FRS3: variants seen among roughly 807,000 people sequenced by gnomAD.
FRS3 encodes the protein FGFR substrate 3.
Under a neutral mutation model 41.9 loss-of-function variants are expected in FRS3, and 17 were observed. The ratio of observed to expected loss-of-function variants is 0.41; its 90% confidence interval spans 0.28 to 0.61. The LOEUF (loss-of-function observed/expected upper bound fraction) is 0.61. Among genes scored for constraint, FRS3 ranks in the 20% least tolerant of loss-of-function variants. The pLI, the probability that FRS3 is intolerant of heterozygous loss-of-function variation, is 0.36. For synonymous variants in FRS3, 287 were observed against 274.5 expected (o/e 1.05, Z -0.45); for missense variants, 619 against 672.1 (o/e 0.92, Z 0.87).
At chr6:41,776,626 A>T (rs1772417102) in intron 3 of FRS3, 2 of 336,690 alleles carry the variant, frequency 5.9e-6, no homozygotes, top group East Asian at 1.0e-4. Context: ...GTTTTCTCTA[A>T]AAAAAAAAGG....
chr6:41,774,436 A>G (rs1173622417), intron 4 of FRS3, among the ~76,000 whole-genome samples: 1 of 152,160 alleles, frequency 6.6e-6, no homozygotes, highest in Admixed American at 6.5e-5. Flanking sequence ...TGCCTACTGT[A>G]TATAGGTCCC....
At position 41,771,286 on chromosome 6, in the gene FRS3, T is replaced by C; in HGVS notation, c.812A>G (p.Asn271Ser). Residue 271 changes from asparagine to serine, a missense_variant, in exon 7 of 7, where the codon AAT becomes AGT. By Grantham distance (46) the Asn-to-Ser change is conservative. Coordinates refer to ENST00000373018, the MANE Select transcript of FRS3 (RefSeq NM_006653.5). The part of the protein sequence containing the change: ...PSLHDPPHHN[N>S]NNEAPSECPA... Reference sequence around the variant, plus strand: ...ACACTCAGAAGGGGCCTCATTGTTATTATTGTGGTGTGGGGGGTCATGCAG... The same window carrying C: ...ACACTCAGAAGGGGCCTCATTGTTACTATTGTGGTGTGGGGGGTCATGCAG... 1 of 1,612,952 alleles carries C rather than the reference T, an allele frequency of 6.2e-7. No individual in the cohort carries two copies. Among genetic ancestry groups the C allele is most frequent in the Non-Finnish European group, 8.5e-7 (1 of 1,179,336 alleles).
intron 5 of FRS3, among the ~76,000 whole-genome samples, 163 bp downstream of exon 5, chr6:41,772,635 C>T (rs144134156): frequency 4.1e-4 from 62 of 152,274 alleles, no homozygotes; most frequent in African/African-American, 1.4e-3. Context: ...CAGGACTTAC[C>T]GATCCTCAAG....
intron 3 of FRS3, chr6:41,776,697 C>A: frequency 2.0e-6 from 1 of 493,466 alleles, no homozygotes; most frequent in East Asian, 3.1e-5. Flanking sequence ...ACCATTATGG[C>A]ATTTCTTCAT....
At chr6:41,772,669 G>T in intron 5 of FRS3, 129 bp downstream of exon 5, 1 of 1,028,826 alleles carries the variant, frequency 9.7e-7, no homozygotes, top group Non-Finnish European at 1.4e-6. Context: ...ATGGACAACT[G>T]TCCTGGAAGG....
chr6:41,775,234 T>C (rs2127300308), intron 4 of FRS3, among the ~76,000 whole-genome samples, 185 bp downstream of exon 4: 1 of 152,340 alleles, frequency 6.6e-6, no homozygotes, highest in Non-Finnish European at 1.5e-5. Context: ...TGTGGCTGGC[T>C]CTAGCCTTGA....
intron 4 of FRS3, 48 bp downstream of exon 4, chr6:41,775,371 G>A (rs775137374): frequency 1.2e-5 from 18 of 1,468,866 alleles, no homozygotes; most frequent in Middle Eastern, 3.8e-4. Flanking sequence ...GAACCCTGGA[G>A]TACTGCATAA....
chr6:41,778,340 A>G (rs1772453501), intron 1 of FRS3, among the ~76,000 whole-genome samples, 164 bp from the exon 2 acceptor site: 1 of 152,348 alleles, frequency 6.6e-6, no homozygotes, highest in South Asian at 2.1e-4. Context: ...AGGGAGCACA[A>G]ATCCCAAGCC....
chr6:41,771,915 G>A lies in FRS3; in HGVS notation c.465C>T (p.Gly155=). 2 of 1,558,870 alleles carry A rather than the reference G, an allele frequency of 1.3e-6. No individual in the cohort carries two copies. The highest frequency in any genetic ancestry group is 1.7e-6 in the Non-Finnish European group (2 of 1,151,180). Residue 155 remains glycine, a synonymous_variant, in exon 6 of 7, where the codon GGC becomes GGT. Coordinates refer to ENST00000373018, the MANE Select transcript of FRS3 (RefSeq NM_006653.5). ...GCCGCCGGGGAGCTGAGAATCGTGG[G>A]CCCTCTCCAGGGCAGCCATTGGAAA... The part of the protein sequence containing the change: ...SSFSNGCPGE[G]PRFSAPRRLS...
rs1000991174 is a variant in FRS3 at position 41,776,723 on chromosome 6, G to C, written c.66+199C>G. 9 of 552,058 alleles carry C rather than the reference G, an allele frequency of 1.6e-5. No homozygotes were observed. In the African/African-American group the frequency reaches 1.7e-4, roughly 10 times the overall value. 34.2% of individuals were successfully genotyped at this position (552,058 alleles called of 1,614,324 possible). On this transcript the variant is annotated intron_variant, in intron 3 of 6. Coordinates refer to ENST00000373018, the MANE Select transcript of FRS3 (RefSeq NM_006653.5). ...ATTTCTTCATTCTTGGTAGTATCAA[G>C]AGCCATGAAAACAGCAGTGGTCTGG...
At chr6:41,775,047 T>C (rs1377683448) in intron 4 of FRS3, among the ~76,000 whole-genome samples, 1 of 152,170 alleles carries the variant, frequency 6.6e-6, no homozygotes, top group East Asian at 1.9e-4. Context: ...CCAGCAAACA[T>C]GACCTCGGAG....
intron 1 of FRS3, among the ~76,000 whole-genome samples, chr6:41,778,664 G>A (rs1442716882): frequency 6.6e-6 from 1 of 152,120 alleles, no homozygotes; most frequent in Non-Finnish European, 1.5e-5. Context: ...GTTTTTGGGG[G>A]AACCATCTAT....
intron 4 of FRS3, among the ~76,000 whole-genome samples, chr6:41,774,679 A>T (rs150097768): frequency 6.6e-6 from 1 of 152,152 alleles, no homozygotes; most frequent in East Asian, 1.9e-4. Context: ...CTCCTCTGTA[A>T]CAGGGGGACC....
chr6:41,774,545 G>C (rs1312654813), intron 4 of FRS3, among the ~76,000 whole-genome samples: 1 of 152,196 alleles, frequency 6.6e-6, no homozygotes, highest in Admixed American at 6.5e-5. Flanking sequence ...CCTCAATGCA[G>C]CCAGCCTCAC....
chr6:41,770,624 G>C lies in FRS3; in HGVS notation c.1474C>G (p.Leu492Val), dbSNP rs1772260492. 2 of 1,614,110 alleles carry C rather than the reference G, an allele frequency of 1.2e-6. No homozygotes were observed. Among genetic ancestry groups the C allele is most frequent in the African/African-American group, 2.7e-5 (2 of 74,954 alleles). The change falls in exon 7 of 7, where the codon CTG (leucine) becomes GTG (valine). Residue 492 changes from leucine to valine, a missense_variant. Physicochemically the swap from Leu to Val is conservative, Grantham distance 32. Coordinates refer to ENST00000373018, the MANE Select transcript of FRS3 (RefSeq NM_006653.5). ...TGGTGAGGACCGGGAAGTCCCTACA[G>C]AGGCAGGTCGGTGCTGTTGTGCCGG... ...KTRHNSTDLP[L>V]
rs138554790 is a variant in FRS3 at position 41,770,646 on chromosome 6, C to T, written c.1452G>A (p.Arg484=). 4.5e-5 allele frequency: 72 copies of T among 1,614,052 alleles called. No homozygotes were observed. The highest frequency in any genetic ancestry group is 6.0e-5 in the Non-Finnish European group (71 of 1,180,032). Reference sequence around the variant, plus strand: ...ACAGAGGCAGGTCGGTGCTGTTGTGCCGGGTTTTCCTGGCGGTGCCATCGT... The same window carrying T: ...ACAGAGGCAGGTCGGTGCTGTTGTGTCGGGTTTTCCTGGCGGTGCCATCGT... ...PRDDGTARKT[R]HNSTDLPL The change falls in exon 7 of 7, where the codon CGG becomes CGA. Residue 484 remains arginine, a synonymous_variant. Coordinates refer to ENST00000373018, the MANE Select transcript of FRS3 (RefSeq NM_006653.5).
At chr6:41,771,604 G>C in intron 6 of FRS3, 71 bp from the exon 7 acceptor site, 1 of 1,324,840 alleles carries the variant, frequency 7.5e-7, no homozygotes, top group Non-Finnish European at 1.0e-6. Flanking sequence ...GGGACAGGAT[G>C]AGAGAAAAGA....
In FRS3 at chr6:41,771,792, G is replaced by C. The variant is rs543984064; in HGVS notation, c.564+24C>G. 5.5e-4 allele frequency: 844 copies of C among 1,548,148 alleles called. 14 individuals are homozygous for C. In the South Asian group the frequency reaches 9.6e-3, roughly 18 times the overall value. On this transcript the variant is annotated intron_variant, in intron 6 of 6. Coordinates refer to ENST00000373018, the MANE Select transcript of FRS3 (RefSeq NM_006653.5). ...CGTCCCCACCCAGACCAACAGGGCA[G>C]GGGCTGGCCGGCTGCGTGCTCACCT...
intron 5 of FRS3, among the ~76,000 whole-genome samples, 154 bp downstream of exon 5, chr6:41,772,644 A>G (rs953134130): frequency 1.3e-5 from 2 of 152,170 alleles, no homozygotes. Context: ...CCGATCCTCA[A>G]GAATGGTTCT....
Sources: gnomAD v4.1 joint callset for allele counts (sites outside exome capture counted in the v4.1 genomes callset) on GRCh38, gnomAD v4.1.1 for gene constraint, MANE v1.5 for transcripts, NCBI Gene and HGNC (gene_info 2026-07-23, HGNC 2026-07-21) for gene names.